TRPM4: variants seen among roughly 807,000 people sequenced by gnomAD.
TRPM4 encodes the protein calcium-activated non-selective cation channel 1.
A neutral mutation model predicts 135.6 loss-of-function variants in TRPM4; 124 were observed. That is an observed-to-expected ratio of 0.91 (90% CI 0.79 to 1.06). The LOEUF (loss-of-function observed/expected upper bound fraction) is 1.06, where lower values mean the gene tolerates loss of function less well. Among genes scored for constraint, TRPM4 ranks in the 50% least tolerant of loss-of-function variants. The pLI is 0.00. For synonymous variants in TRPM4, 745 were observed against 705.6 expected (o/e 1.06, Z -0.88); for missense variants, 1,658 against 1,671.4 (o/e 0.99, Z 0.14).
intron 10 of TRPM4, among the ~76,000 whole-genome samples, chr19:49,182,079 TCCATCCATCCATCTGTCCATC>T (rs1967955850): frequency 7.0e-6 from 1 of 143,582 alleles, no homozygotes; most frequent in African/African-American, 2.7e-5. Context: ...CATCCATCCA[TCCATCCATCCATCTGTCCATC>T]CATCCATCCA....
At chr19:49,162,478 G>A (rs768261289) in intron 2 of TRPM4, among the ~76,000 whole-genome samples, 7 of 152,034 alleles carry the variant, frequency 4.6e-5, no homozygotes, top group Non-Finnish European at 7.4e-5. Context: ...GGCAGAGGTT[G>A]CAGTGAGCTG....
At position 49,196,431 on chromosome 19, in the gene TRPM4, C is replaced by A. The variant is rs1968637219; in HGVS notation, c.2211-9C>A. ...GAGGCCTCCTCCCTTCTCTTCTCTT[C>A]CCCCACAGGACGGCGGACCCAGCCG... On this transcript the variant is annotated splice_polypyrimidine_tract_variant and intron_variant, in intron 16 of 24. Coordinates refer to ENST00000252826, the MANE Select transcript of TRPM4 (RefSeq NM_017636.4). 2 of 1,532,830 alleles carry A rather than the reference C, an allele frequency of 1.3e-6. No homozygotes were observed. Among genetic ancestry groups the A allele is most frequent in the South Asian group, 1.2e-5 (1 of 80,814 alleles). The allele number at this position is 1,532,830 out of a possible 1,614,324, so 95.0% of individuals were successfully genotyped here. A position where few individuals can be genotyped will look rare whatever the true frequency, so the allele number is the denominator to read the frequency against.
intron 12 of TRPM4, among the ~76,000 whole-genome samples, chr19:49,188,419 C>T (rs1382782808): frequency 2.0e-5 from 3 of 152,188 alleles, no homozygotes; most frequent in Non-Finnish European, 4.4e-5. Context: ...AACTGCAGCC[C>T]AGCCCCTGAC....
intron 9 of TRPM4, among the ~76,000 whole-genome samples, chr19:49,181,042 A>G (rs1967901077): frequency 6.6e-6 from 1 of 151,952 alleles, no homozygotes; most frequent in African/African-American, 2.4e-5. Context: ...TAGGAACTGT[A>G]TCTGATTTCT....
chr19:49,191,856 G>A (rs1217637723), intron 16 of TRPM4, among the ~76,000 whole-genome samples: 1 of 152,094 alleles, frequency 6.6e-6, no homozygotes, highest in African/African-American at 2.4e-5. Context: ...TATATCACAC[G>A]TCCCATCAGG....
intron 20 of TRPM4, among the ~76,000 whole-genome samples, chr19:49,206,320 T>A (rs905862362): frequency 1.3e-5 from 2 of 152,166 alleles, no homozygotes; most frequent in African/African-American, 4.8e-5. Context: ...TGAGTCTCCT[T>A]TGTTATTTTT....
intron 3 of TRPM4, 41 bp downstream of exon 3, chr19:49,166,256 G>A: frequency 6.5e-7 from 1 of 1,550,090 alleles, no homozygotes; most frequent in South Asian, 1.2e-5. Context: ...GCACCAGGGG[G>A]CTGCATGCTC....
intron 2 of TRPM4, among the ~76,000 whole-genome samples, chr19:49,164,194 T>C (rs74592015): frequency 0.039 from 5,719 of 147,970 alleles, 171 homozygotes; most frequent in African/African-American, 0.08. Context: ...ATTTTTCTCC[T>C]TCTTTCTTCC....
intron 20 of TRPM4, among the ~76,000 whole-genome samples, chr19:49,203,772 T>C (rs1235982378): frequency 6.6e-6 from 1 of 152,330 alleles, no homozygotes; most frequent in East Asian, 1.9e-4. Context: ...ATCCCTGTTG[T>C]AGTGTGCATC....
intron 2 of TRPM4, among the ~76,000 whole-genome samples, chr19:49,161,499 T>G (rs193302367): frequency 6.6e-6 from 1 of 151,772 alleles, no homozygotes; most frequent in East Asian, 1.9e-4. Flanking sequence ...ATTTTAAAAT[T>G]TTTTGTAGAA....
At chr19:49,190,167 G>A in intron 14 of TRPM4, 41 bp from the exon 15 acceptor site, 1 of 1,562,604 alleles carries the variant, frequency 6.4e-7, no homozygotes. Context: ...GGACGGGGCT[G>A]TGGGGGAGAT....
Position 49,174,995 on chromosome 19 carries a change from C to T in TRPM4, c.1150+2887C>T, listed in dbSNP as rs143139569. Reference sequence around the variant, plus strand: ...CTTGACCCACTACAGTCTTGACCTCCTGGGCTCAAGAGATCCTCTCACCTC... The same window carrying T: ...CTTGACCCACTACAGTCTTGACCTCTTGGGCTCAAGAGATCCTCTCACCTC... On this transcript the variant is annotated intron_variant, in intron 9 of 24. Coordinates refer to ENST00000252826, the MANE Select transcript of TRPM4 (RefSeq NM_017636.4). Among the ~76,000 whole-genome samples the T allele has an allele frequency of 4.8e-3, 714 of 150,196 alleles. 5 individuals carry two copies. Among genetic ancestry groups the T allele is most frequent in the African/African-American group, 0.016 (649 of 40,690 alleles).
At chr19:49,184,324 A>C (rs1239841092) in intron 12 of TRPM4, among the ~76,000 whole-genome samples, 1 of 151,566 alleles carries the variant, frequency 6.6e-6, no homozygotes, top group Non-Finnish European at 1.5e-5. Context: ...ACTTAGCTTC[A>C]AATTCACTGA....
intron 4 of TRPM4, 50 bp downstream of exon 4, chr19:49,168,147 A>G (rs1164512083): frequency 3.1e-6 from 5 of 1,592,680 alleles, no homozygotes; most frequent in Admixed American, 3.3e-5. Context: ...CCTGCCTGCC[A>G]TCTCCCCCAC....
rs777041419 is a variant in TRPM4 at position 49,168,538 on chromosome 19, C to G, written c.613-15C>G. ...CCGATGAGGAGACGCCCTGGTCTGGCCATTTTTCCCCTAGGGCTCGTTCCC... is the reference window on the plus strand; with the variant it reads ...CCGATGAGGAGACGCCCTGGTCTGGGCATTTTTCCCCTAGGGCTCGTTCCC... On this transcript the variant is annotated splice_polypyrimidine_tract_variant and intron_variant, in intron 5 of 24. Transcript: ENST00000252826. 6.1e-5 allele frequency: 99 copies of G among 1,613,740 alleles called. No homozygotes were observed. Among genetic ancestry groups the G allele is most frequent in the Middle Eastern group, 3.3e-4 (2 of 6,084 alleles).
At chr19:49,165,640 G>A (rs1600398983) in intron 2 of TRPM4, among the ~76,000 whole-genome samples, 2 of 152,152 alleles carry the variant, frequency 1.3e-5, no homozygotes, top group South Asian at 2.1e-4. Context: ...TCACACAGCC[G>A]CGTCAGCCCC....
intron 12 of TRPM4, among the ~76,000 whole-genome samples, chr19:49,186,073 T>G (rs1600470617): frequency 6.6e-6 from 1 of 152,158 alleles, no homozygotes; most frequent in Admixed American, 6.5e-5. Flanking sequence ...TCTCTAAACC[T>G]TTTTTGGAAA....
chr19:49,165,931 T>C lies in TRPM4; in HGVS notation c.93-110T>C, dbSNP rs7252493. ...GCAGCGTGGACTCTGCCTGCCTCTGTGGGTGTGGACTCAGTGTCGACAGCC... is the reference window on the plus strand; with the variant it reads ...GCAGCGTGGACTCTGCCTGCCTCTGCGGGTGTGGACTCAGTGTCGACAGCC... On this transcript the variant is annotated intron_variant, in intron 2 of 24. Transcript: ENST00000252826. The C allele has an allele frequency of 0.031, 34,680 of 1,131,200 alleles. 1,617 individuals carry two copies. The highest frequency in any genetic ancestry group is 0.19 in the African/African-American group (12,586 of 65,242). 70.1% of individuals were successfully genotyped at this position (1,131,200 alleles called of 1,614,324 possible).
intron 12 of TRPM4, among the ~76,000 whole-genome samples, chr19:49,187,303 A>G (rs903908143): frequency 9.9e-5 from 15 of 151,570 alleles, no homozygotes; most frequent in Admixed American, 6.6e-4. Context: ...AAAGTTTTGA[A>G]GTTCCCTACA....
Sources: allele counts gnomAD v4.1 joint callset (sites outside exome capture counted in the v4.1 genomes callset), GRCh38; gene constraint gnomAD v4.1.1; transcripts MANE v1.5; gene names NCBI Gene and HGNC (gene_info 2026-07-23, HGNC 2026-07-21).